The following NAP1L1 variants were observed in gnomAD, a reference collection of about 807,000 sequenced individuals.
NAP1L1 encodes nucleosome assembly protein 1 like 1, also known as nucleosome assembly protein 1-like 1.
In NAP1L1, 9 loss-of-function variants were observed where a neutral mutation model predicts 58.9. That is an observed-to-expected ratio of 0.15 (90% CI 0.09 to 0.27). The LOEUF (loss-of-function observed/expected upper bound fraction) is 0.27, where lower values mean the gene tolerates loss of function less well. Among genes scored for constraint, NAP1L1 ranks in the 10% least tolerant of loss-of-function variants. The pLI is 1.00. For synonymous variants in NAP1L1, 130 were observed against 138.3 expected (o/e 0.94, Z 0.42); for missense variants, 302 against 458.8 (o/e 0.66, Z 3.12).
intron 1 of NAP1L1, among the ~76,000 whole-genome samples, chr12:76,077,951 C>A (rs1950248607): frequency 7.5e-6 from 1 of 132,992 alleles, no homozygotes; most frequent in Non-Finnish European, 1.5e-5. Context: ...CCGCTGCACT[C>A]CAGCTTGGGT....
In NAP1L1 at chr12:76,043,418, G is replaced by C. The variant is rs189667661; in HGVS notation, c.*5011C>G. On this transcript the variant is annotated 3_prime_UTR_variant, in exon 15 of 15. Coordinates refer to ENST00000618691, the MANE Select transcript of NAP1L1 (RefSeq NM_004537.7). ...CACGTGCCTGTGATACCAGCTACTC[G>C]AGAGGCTGATTGCAGCAGTACACTC... 4 of 146,410 alleles carry C rather than the reference G, an allele frequency of 2.7e-5. No homozygotes were observed. Among genetic ancestry groups the C allele is most frequent in the African/African-American group, 7.6e-5 (3 of 39,262 alleles). 9.1% of individuals were successfully genotyped at this position (146,410 alleles called of 1,614,324 possible). A position where few individuals can be genotyped will look rare whatever the true frequency, so the allele number is the denominator to read the frequency against.
intron 3 of NAP1L1, among the ~76,000 whole-genome samples, chr12:76,068,410 C>T (rs1401828196): frequency 6.6e-6 from 1 of 152,194 alleles, no homozygotes; most frequent in East Asian, 1.9e-4. Context: ...CGCAGATCTA[C>T]AAGACATACC....
rs1009632047 is a variant in NAP1L1 at position 76,040,146 on chromosome 12, T to C, written c.*8283A>G. On this transcript the variant is annotated 3_prime_UTR_variant, in exon 15 of 15. Coordinates refer to ENST00000618691, the MANE Select transcript of NAP1L1 (RefSeq NM_004537.7). ...GGGGAAAAGCATATGTTTTTCTCCC[T>C]GAACAGGCATACAATATGTAATTTA... 3.3e-5 allele frequency: 5 copies of C among 152,310 alleles called. No homozygotes were observed. In the South Asian group the frequency reaches 6.2e-4, roughly 19 times the overall value. 9.4% of individuals were successfully genotyped at this position (152,310 alleles called of 1,614,324 possible).
rs747611116 is a variant in NAP1L1 at position 76,053,756 on chromosome 12, A to T, written c.770+14T>A. 1 of 1,598,410 alleles carries T rather than the reference A, an allele frequency of 6.3e-7. No individual in the cohort carries two copies. Among genetic ancestry groups the T allele is most frequent in the Non-Finnish European group, 8.5e-7 (1 of 1,176,518 alleles). On this transcript the variant is annotated intron_variant, in intron 9 of 14. Transcript: ENST00000618691. ...AGAAAAAACATTTTGTTAAGGTAGTAAAATTAAACTCACCCTGTACAACCC... is the reference window on the plus strand; with the variant it reads ...AGAAAAAACATTTTGTTAAGGTAGTTAAATTAAACTCACCCTGTACAACCC...
chr12:76,070,571 G>A (rs1949909058), intron 2 of NAP1L1, among the ~76,000 whole-genome samples: 1 of 152,060 alleles, frequency 6.6e-6, no homozygotes, highest in Non-Finnish European at 1.5e-5. Flanking sequence ...CACAAACTAT[G>A]CCCATGTGGC....
rs111415746 is a variant in NAP1L1, at chr12:76,053,212, A to G, written c.909T>C (p.Pro303=). ...SNDSFFNFFA[P]PEVPESGDLD... is the part of the protein sequence containing the mutation. The stretch of plus-strand genomic sequence containing the variant: ...AGCTAAAACATTATTTACCTTCAGG[A>G]GGGGCAAAAAAGTTAAAGAAAGAGT... The change falls in exon 10 of 15, where the codon CCT becomes CCC. Residue 303 remains proline, a synonymous_variant. Coordinates refer to ENST00000618691, the MANE Select transcript of NAP1L1 (RefSeq NM_004537.7). 1.2e-6 allele frequency: 2 copies of G among 1,613,918 alleles called. No homozygotes were observed. The highest frequency in any genetic ancestry group is 2.2e-5 in the South Asian group (2 of 91,030).
chr12:76,042,641 T>C lies in NAP1L1; in HGVS notation c.*5788A>G, dbSNP rs1004095968. 4.6e-5 allele frequency: 7 copies of C among 152,186 alleles called. No individual in the cohort carries two copies. The highest frequency in any genetic ancestry group is 8.8e-5 in the Non-Finnish European group (6 of 68,036). 9.4% of individuals were successfully genotyped at this position (152,186 alleles called of 1,614,324 possible). On this transcript the variant is annotated 3_prime_UTR_variant, in exon 15 of 15. Coordinates refer to ENST00000618691, the MANE Select transcript of NAP1L1 (RefSeq NM_004537.7). ...GGCAGTAGCAGTAGGAAAAATAACATTGTTTGATTCAACTTCAAAGTATCC... is the reference window on the plus strand; with the variant it reads ...GGCAGTAGCAGTAGGAAAAATAACACTGTTTGATTCAACTTCAAAGTATCC...
intron 1 of NAP1L1, among the ~76,000 whole-genome samples, chr12:76,080,466 GAAC>G (rs1447794769): frequency 6.6e-6 from 1 of 152,128 alleles, no homozygotes; most frequent in East Asian, 1.9e-4. Context: ...TGTAGCCTAG[GAAC>G]AACAAACAGG....
chr12:76,084,209 C>T (rs1425364769), intron 1 of NAP1L1: 1 of 152,184 alleles, frequency 6.6e-6, no homozygotes, highest in Non-Finnish European at 1.5e-5. Flanking sequence ...CCGGGGGCCT[C>T]CCGGTCCTCG....
At chr12:76,061,010 C>A in intron 4 of NAP1L1, 1 of 440,704 alleles carries the variant, frequency 2.3e-6, no homozygotes, top group Non-Finnish European at 4.5e-6. Context: ...AGAGCATCAC[C>A]TGAGCCTGGG....
Position 76,067,569 on chromosome 12 carries a change from G to A in NAP1L1, c.104-96C>T, listed in dbSNP as rs2137051246. The A allele has an allele frequency of 3.2e-6, 3 of 947,472 alleles. No homozygotes were observed. The East Asian group carries it at 7.6e-5, about 24-fold the overall frequency. 58.7% of individuals were successfully genotyped at this position (947,472 alleles called of 1,614,324 possible). On this transcript the variant is annotated intron_variant, in intron 3 of 14. Coordinates refer to ENST00000618691, the MANE Select transcript of NAP1L1 (RefSeq NM_004537.7). ...CAATCTCATGAAGTTTTCCTAACTGGCCCATAAATTGCTGGTATATCTAAT... is the reference window on the plus strand; with the variant it reads ...CAATCTCATGAAGTTTTCCTAACTGACCCATAAATTGCTGGTATATCTAAT...
rs1330342421 is a variant in NAP1L1 at position 76,046,283 on chromosome 12, G to A, written c.*2146C>T. The A allele has an allele frequency of 1.3e-5, 2 of 152,176 alleles. No individual in the cohort carries two copies. Among genetic ancestry groups the A allele is most frequent in the Admixed American group, 6.6e-5 (1 of 15,232 alleles). 9.4% of individuals were successfully genotyped at this position (152,176 alleles called of 1,614,324 possible). On this transcript the variant is annotated 3_prime_UTR_variant, in exon 15 of 15. Transcript: ENST00000618691. Reference sequence around the variant, plus strand: ...CTGGAAAAATGGCATAAACACTGACGTCCCTTAAAACTTCAATTTTATAAA... The same window carrying A: ...CTGGAAAAATGGCATAAACACTGACATCCCTTAAAACTTCAATTTTATAAA...
In NAP1L1 at chr12:76,050,529, ACATCAT is replaced by A; in HGVS notation, c.1055_1059+1del. On this transcript the variant is annotated splice_donor_variant and coding_sequence_variant, in exon 12 of 15. Coordinates refer to ENST00000618691, the MANE Select transcript of NAP1L1 (RefSeq NM_004537.7). LOFTEE classifies it high-confidence loss of function. ...TTCTTTGCAGGATTCAAATTCGCTT[ACATCAT>A]CATCATCATCTTCAATAGCTTCTCC... 6.2e-7 allele frequency: 1 copy of A among 1,602,766 alleles called. No homozygotes were observed. Among genetic ancestry groups the A allele is most frequent in the South Asian group, 1.1e-5 (1 of 88,700 alleles).
chr12:76,056,979 G>C (rs1213353487), intron 6 of NAP1L1: 8 of 214,096 alleles, frequency 3.7e-5, no homozygotes, highest in African/African-American at 1.6e-4. Flanking sequence ...CTCCAGCCTG[G>C]GCAACAGAGA....
chr12:76,069,176 C>T (rs1193852902), intron 2 of NAP1L1, among the ~76,000 whole-genome samples, 182 bp from the exon 3 acceptor site: 2 of 152,172 alleles, frequency 1.3e-5, no homozygotes, highest in African/African-American at 4.8e-5. Context: ...AGTGCTTACA[C>T]TTTCATTAAA....
Position 76,053,852 on chromosome 12 carries a change from T to C in NAP1L1, c.688A>G (p.Thr230Ala). ...PNEYFTNEVL[T>A]KTYRMRSEPD... ...TCTGACCTCATCCTGTATGTCTTTG[T>C]CAGCACTTCATTTGTAAAATATTCA... The change falls in exon 9 of 15, where the codon ACA becomes GCA. Residue 230 changes from threonine (T) to alanine (A), a missense_variant. By Grantham distance (58) the Thr-to-Ala change is moderately conservative. Transcript: ENST00000618691. 1.3e-6 allele frequency: 2 copies of C among 1,591,960 alleles called. No homozygotes were observed. Among genetic ancestry groups the C allele is most frequent in the Non-Finnish European group, 1.7e-6 (2 of 1,174,630 alleles).
At chr12:76,081,994 A>C (rs953586669) in intron 1 of NAP1L1, among the ~76,000 whole-genome samples, 1 of 152,192 alleles carries the variant, frequency 6.6e-6, no homozygotes, top group Non-Finnish European at 1.5e-5. Context: ...TGCTCATGAC[A>C]TAAGATACAT....
At position 76,038,729 on chromosome 12, in the gene NAP1L1, G is replaced by A. The variant is rs1398252131; in HGVS notation, c.*9700C>T. 1 of 152,132 alleles carries A rather than the reference G, an allele frequency of 6.6e-6. No individual in the cohort carries two copies. Among genetic ancestry groups the A allele is most frequent in the Non-Finnish European group, 1.5e-5 (1 of 68,024 alleles). 9.4% of individuals were successfully genotyped at this position (152,132 alleles called of 1,614,324 possible). Reference sequence around the variant, plus strand: ...TACAAGAAGATAAAACCCAGGAAATGTTTATGGCAAGCTTGTATGTTGCCA... The same window carrying A: ...TACAAGAAGATAAAACCCAGGAAATATTTATGGCAAGCTTGTATGTTGCCA... On this transcript the variant is annotated 3_prime_UTR_variant, in exon 15 of 15. Transcript: ENST00000618691.
rs138177166 is a variant in NAP1L1, at chr12:76,080,106, A to G, written c.-21+4461T>C. Among the ~76,000 whole-genome samples the G allele has an allele frequency of 3.2e-3, 484 of 152,296 alleles. 3 individuals are homozygous for G. Among genetic ancestry groups the G allele is most frequent in the African/African-American group, 0.011 (444 of 41,566 alleles). ...GCTGACATAAGGCTAAGAAACCATT[A>G]CCCAACTGCAGTCACATAACGTTTC... On this transcript the variant is annotated intron_variant, in intron 1 of 14. Transcript: ENST00000618691.
Sources: gnomAD v4.1 joint callset for allele counts (sites outside exome capture counted in the v4.1 genomes callset) on GRCh38, gnomAD v4.1.1 for gene constraint, MANE v1.5 for transcripts, NCBI Gene and HGNC (gene_info 2026-07-23, HGNC 2026-07-21) for gene names.